The following CHMP1A variants were observed in gnomAD, a reference collection of about 807,000 sequenced individuals.
CHMP1A encodes the protein VPS46 homolog A.
A neutral mutation model predicts 27.0 loss-of-function variants in CHMP1A; 17 were observed. The observed-to-expected ratio is 0.63, with a 90% CI of 0.43 to 0.95. The LOEUF is 0.95. Among genes scored for constraint, CHMP1A ranks in the 40% least tolerant of loss-of-function variants. The pLI is 0.00. For missense variants in CHMP1A, 275 were observed against 264.0 expected, an observed-to-expected ratio of 1.04 and a Z score of -0.29; for synonymous variants, 131 against 107.5, an observed-to-expected ratio of 1.22 and a Z score of -1.35.
Position 89,656,553 on chromosome 16 carries a change from C to T in CHMP1A, c.7+1029G>A, listed in dbSNP as rs116659957. Among the ~76,000 whole-genome samples, 983 of 152,320 alleles carry T rather than the reference C, an allele frequency of 6.5e-3. 13 individuals are homozygous for T. Among genetic ancestry groups the T allele is most frequent in the African/African-American group, 0.022 (932 of 41,578 alleles). ...TCTTTGGTATCCCTGAGCACACAGC[C>T]GGCTAGCCCCAGATGTAGAAGGTAA... On this transcript the variant is annotated intron_variant, in intron 1 of 6. Coordinates refer to ENST00000397901, the MANE Select transcript of CHMP1A (RefSeq NM_002768.5).
chr16:89,652,757 G>A (rs1187481649), intron 2 of CHMP1A, among the ~76,000 whole-genome samples: 2 of 152,144 alleles, frequency 1.3e-5, no homozygotes, highest in African/African-American at 2.4e-5. Context: ...TCCCAAAGCT[G>A]CATACGGTAG....
chr16:89,644,897 AAAC>A lies in CHMP1A; in HGVS notation c.*1166_*1168del, dbSNP rs1479701651. 3.3e-5 allele frequency: 5 copies of A among 152,684 alleles called. No individual in the cohort carries two copies. The highest frequency in any genetic ancestry group is 7.3e-5 in the Non-Finnish European group (5 of 68,202). 9.5% of individuals were successfully genotyped at this position (152,684 alleles called of 1,614,324 possible). ...GCCTTTTCTACTTTGGCAAAAACAAAAACAAAACCTGGAAGCCTCAAGACAATG... is the reference window on the plus strand; with the variant it reads ...GCCTTTTCTACTTTGGCAAAAACAAAAAAACCTGGAAGCCTCAAGACAATG... On this transcript the variant is annotated 3_prime_UTR_variant, in exon 7 of 7. Transcript: ENST00000397901.
chr16:89,650,585 C>T (rs1352218670), intron 3 of CHMP1A, among the ~76,000 whole-genome samples: 3 of 152,188 alleles, frequency 2.0e-5, no homozygotes, highest in Non-Finnish European at 4.4e-5. Context: ...GCAGGTGGAT[C>T]ACCTGAGGTC....
intron 1 of CHMP1A, 112 bp from the exon 2 acceptor site, chr16:89,654,035 C>G: frequency 8.9e-7 from 1 of 1,127,732 alleles, no homozygotes; most frequent in Admixed American, 1.7e-5. Context: ...AACACACACA[C>G]AGACCACACC....
In CHMP1A at chr16:89,645,946, G is replaced by C. The variant is rs762273089; in HGVS notation, c.*120C>G. 2.3e-5 allele frequency: 37 copies of C among 1,611,190 alleles called. No individual in the cohort carries two copies. The highest frequency in any genetic ancestry group is 3.1e-5 in the Non-Finnish European group (37 of 1,178,996). ...CACGCAGGCCTGGCAGGTGAGAGAC[G>C]CAGAGTGGCTGCCGGCCGCAGCCCC... On this transcript the variant is annotated 3_prime_UTR_variant, in exon 7 of 7. Transcript: ENST00000397901.
Position 89,649,417 on chromosome 16 carries a change from C to G in CHMP1A, c.186G>C (p.Trp62Cys). 3 of 1,613,756 alleles carry G rather than the reference C, an allele frequency of 1.9e-6. No homozygotes were observed. Among genetic ancestry groups the G allele is most frequent in the Non-Finnish European group, 2.5e-6 (3 of 1,179,880 alleles). Residue 62 changes from tryptophan (W) to cysteine (C), a missense_variant, in exon 4 of 7, where the codon TGG (tryptophan) becomes TGC (cysteine). Physicochemically the swap from Trp to Cys is radical, Grantham distance 215 (BLOSUM62 -2). Coordinates refer to ENST00000397901, the MANE Select transcript of CHMP1A (RefSeq NM_002768.5). ...AIRKKNEGVNWLRMASRVDAV... is the reference protein window; with the variant it reads ...AIRKKNEGVNCLRMASRVDAV... ...CGTCTACGCGGGACGCCATCCGAAG[C>G]CAGTTCACACCTTCGTTCTTCTTGC...
rs1226302472 is a variant in CHMP1A, at chr16:89,645,742, T to A, written c.*324A>T. On this transcript the variant is annotated 3_prime_UTR_variant, in exon 7 of 7. Coordinates refer to ENST00000397901, the MANE Select transcript of CHMP1A (RefSeq NM_002768.5). ...CCCCTCTGGCTGATGGGAAGCAGCA[T>A]GTCTGCTGCCCCAGAGTCTGAAGGC... 2 of 540,890 alleles carry A rather than the reference T, an allele frequency of 3.7e-6. No individual in the cohort carries two copies. Among genetic ancestry groups the A allele is most frequent in the Non-Finnish European group, 6.1e-6 (2 of 326,572 alleles). 33.5% of individuals were successfully genotyped at this position (540,890 alleles called of 1,614,324 possible).
intron 1 of CHMP1A, among the ~76,000 whole-genome samples, chr16:89,656,058 T>A (rs1451042678): frequency 6.6e-6 from 1 of 152,156 alleles, no homozygotes; most frequent in Admixed American, 6.5e-5. Context: ...TTATCTTTCA[T>A]CTTCTCTCAG....
At chr16:89,655,337 G>A (rs946003994) in intron 1 of CHMP1A, among the ~76,000 whole-genome samples, 1 of 152,114 alleles carries the variant, frequency 6.6e-6, no homozygotes, top group Non-Finnish European at 1.5e-5. Context: ...ACTCACTGTG[G>A]GATGCTGGCC....
At position 89,651,204 on chromosome 16, in the gene CHMP1A, C is replaced by G. The variant is rs537473048; in HGVS notation, c.105+365G>C. On this transcript the variant is annotated intron_variant, in intron 3 of 6. Transcript: ENST00000397901. The stretch of plus-strand genomic sequence containing the variant: ...ACCGGCCTGGCCAACATGGCGAAAC[C>G]CCATCTCTACAAAAAAATTAAAAAA... 1.3e-4 allele frequency among the ~76,000 whole-genome samples: 20 copies of G among 152,180 alleles called. 1 individual carries two copies. In the East Asian group the frequency reaches 3.7e-3, roughly 28 times the overall value.
chr16:89,653,518 G>T (rs2059840966), intron 2 of CHMP1A, among the ~76,000 whole-genome samples: 1 of 150,338 alleles, frequency 6.7e-6, no homozygotes, highest in Non-Finnish European at 1.5e-5. Context: ...AGCTACTCAG[G>T]AGGCTAAGGC....
Position 89,646,641 on chromosome 16 carries a change from T to C in CHMP1A, c.455A>G (p.Gln152Arg), listed in dbSNP as rs1157444174. ...PQEQVDSLIMQIAEENGLEVL... is the reference protein window; with the variant it reads ...PQEQVDSLIMRIAEENGLEVL... ...CTCCAGGCCATTCTCCTCGGCGATC[T>C]GCATGATGAGGCTGTCCACCTGCTC... is the stretch of plus-strand genomic sequence containing the variant. The change falls in exon 6 of 7, where the codon CAG becomes CGG. Residue 152 changes from glutamine (Q) to arginine (R), a missense_variant. By Grantham distance (43) the Gln-to-Arg change is conservative. Transcript: ENST00000397901. 2 of 1,610,518 alleles carry C rather than the reference T, an allele frequency of 1.2e-6. No individual in the cohort carries two copies. The highest frequency in any genetic ancestry group is 1.1e-5 in the South Asian group (1 of 90,232).
chr16:89,646,469 C>A, intron 6 of CHMP1A, 58 bp downstream of exon 6: 3 of 1,472,000 alleles, frequency 2.0e-6, no homozygotes, highest in South Asian at 2.6e-5. Flanking sequence ...CCCTCTCTCC[C>A]TTCCCACAGC....
chr16:89,647,080 C>T (rs754762275), intron 5 of CHMP1A, 123 bp downstream of exon 5: 21 of 1,534,270 alleles, frequency 1.4e-5, no homozygotes, highest in Middle Eastern at 1.7e-4. Flanking sequence ...TGCTTGGTGA[C>T]GTCAGGGAGC....
At chr16:89,649,737 G>T in intron 3 of CHMP1A, 1 of 472,274 alleles carries the variant, frequency 2.1e-6, no homozygotes. Context: ...CACCATGCCT[G>T]GCTAATTTTT....
intron 1 of CHMP1A, among the ~76,000 whole-genome samples, chr16:89,654,198 C>G (rs536296913): frequency 3.3e-5 from 5 of 152,342 alleles, no homozygotes; most frequent in Non-Finnish European, 7.3e-5. Flanking sequence ...ACCAGCCAAT[C>G]TCAAAGGGTT....
At chr16:89,646,884 G>GT in intron 5 of CHMP1A, 170 bp from the exon 6 acceptor site, 1 of 709,050 alleles carries the variant, frequency 1.4e-6, no homozygotes, top group Non-Finnish European at 2.4e-6. Flanking sequence ...AGCCTTTCCT[G>GT]CCCCCCCACC....
At chr16:89,656,079 C>A (rs959694240) in intron 1 of CHMP1A, among the ~76,000 whole-genome samples, 4 of 152,130 alleles carry the variant, frequency 2.6e-5, no homozygotes, top group Non-Finnish European at 4.4e-5. Flanking sequence ...GGCAGAAAAT[C>A]TCTACACATT....
chr16:89,649,066 A>G, intron 4 of CHMP1A: 1 of 403,130 alleles, frequency 2.5e-6, no homozygotes, highest in Non-Finnish European at 4.4e-6. Flanking sequence ...AGTCTTATCA[A>G]GAGGTCCTTC....
Sources: allele counts gnomAD v4.1 joint callset (sites outside exome capture counted in the v4.1 genomes callset), GRCh38; gene constraint gnomAD v4.1.1; transcripts MANE v1.5; gene names NCBI Gene and HGNC (gene_info 2026-07-23, HGNC 2026-07-21).